Variants in MARCHF1 observed in about 807,000 individuals in gnomAD.
The protein encoded by MARCHF1 is membrane associated ring-CH-type finger 1.
A neutral mutation model predicts 54.2 loss-of-function variants in MARCHF1; 40 were observed. The ratio of observed to expected loss-of-function variants is 0.74; its 90% CI spans 0.57 to 0.96. MARCHF1 has a LOEUF of 0.96. Among genes scored for constraint, MARCHF1 ranks in the 40% least tolerant of loss-of-function variants. The pLI, the probability that MARCHF1 is intolerant of heterozygous loss-of-function variation, is 0.00. For missense variants in MARCHF1, 586 were observed against 656.5 expected (o/e 0.89, Z 1.17); for synonymous variants, 236 against 236.3 (o/e 1.00, Z 0.01).
chr4:163,745,915 C>G (rs899772676), intron 4 of MARCHF1, among the ~76,000 whole-genome samples: 1 of 151,684 alleles, frequency 6.6e-6, no homozygotes, highest in African/African-American at 2.4e-5. Flanking sequence ...ACACAGATTT[C>G]CCATATTCCT....
chr4:163,630,211 T>C (rs909542172), intron 5 of MARCHF1, among the ~76,000 whole-genome samples: 1 of 152,144 alleles, frequency 6.6e-6, no homozygotes, highest in Non-Finnish European at 1.5e-5. Flanking sequence ...GGTAAATTGA[T>C]AAAACAAAAT....
At chr4:164,189,455 T>C in intron 1 of MARCHF1, 1 of 705,248 alleles carries the variant, frequency 1.4e-6, no homozygotes, top group South Asian at 1.6e-5. Flanking sequence ...GATGATGTTG[T>C]TCTTGGTGGC....
chr4:164,015,153 A>G (rs1301002354), intron 2 of MARCHF1, among the ~76,000 whole-genome samples: 1 of 152,186 alleles, frequency 6.6e-6, no homozygotes, highest in Non-Finnish European at 1.5e-5. Context: ...AAATCTATCC[A>G]TTATGGTTAT....
chr4:164,007,644 CTCTGTG>C (rs1158296376), intron 2 of MARCHF1, among the ~76,000 whole-genome samples: 117 of 101,658 alleles, frequency 1.2e-3, no homozygotes, highest in East Asian at 6.0e-3. Context: ...CTCTCTCTCT[CTCTGTG>C]TGTGTGTGTG....
At chr4:164,112,267 A>G (rs1224237597) in intron 1 of MARCHF1, among the ~76,000 whole-genome samples, 1 of 151,878 alleles carries the variant, frequency 6.6e-6, no homozygotes, top group Non-Finnish European at 1.5e-5. Flanking sequence ...CTTTGTATAA[A>G]ACAACACCAA....
chr4:164,323,419 T>A (rs1364872118), intron 1 of MARCHF1, among the ~76,000 whole-genome samples: 1 of 151,528 alleles, frequency 6.6e-6, no homozygotes, highest in Admixed American at 6.6e-5. Context: ...GCATATCTTT[T>A]AAAATAGTCC....
chr4:163,548,731 G>GA (rs1194073339), intron 8 of MARCHF1, among the ~76,000 whole-genome samples: 2 of 152,200 alleles, frequency 1.3e-5, no homozygotes, highest in African/African-American at 4.8e-5. Flanking sequence ...GGCGCTGGCA[G>GA]AAATCAATGT....
intron 1 of MARCHF1, among the ~76,000 whole-genome samples, chr4:164,311,925 T>C (rs146247764): frequency 1.6e-4 from 25 of 152,332 alleles, no homozygotes; most frequent in Non-Finnish European, 2.6e-4. Flanking sequence ...TTCTCTCTCT[T>C]CTCTTAAATT....
intron 3 of MARCHF1, among the ~76,000 whole-genome samples, chr4:163,879,129 C>T (rs1164982570): frequency 6.6e-6 from 1 of 152,144 alleles, no homozygotes; most frequent in Non-Finnish European, 1.5e-5. Context: ...GTGAAAGAGA[C>T]ACTATGAAGA....
chr4:163,792,230 CT>C (rs1417613786), intron 4 of MARCHF1, among the ~76,000 whole-genome samples: 1 of 152,128 alleles, frequency 6.6e-6, no homozygotes, highest in Non-Finnish European at 1.5e-5. Context: ...TTACGTTTGT[CT>C]TCACGTTCTT....
chr4:163,838,235 G>C (rs1484623120), intron 4 of MARCHF1, among the ~76,000 whole-genome samples: 1 of 152,036 alleles, frequency 6.6e-6, no homozygotes, highest in African/African-American at 2.4e-5. Context: ...GATGTAAAAT[G>C]GTTTAGTATT....
At chr4:164,019,607 A>G (rs1753618933) in intron 2 of MARCHF1, among the ~76,000 whole-genome samples, 2 of 152,224 alleles carry the variant, frequency 1.3e-5, no homozygotes, top group African/African-American at 4.8e-5. Context: ...GCATTGGGCA[A>G]TCAATTGTCT....
At chr4:163,670,146 G>A (rs1743681708) in intron 5 of MARCHF1, among the ~76,000 whole-genome samples, 1 of 151,710 alleles carries the variant, frequency 6.6e-6, no homozygotes, top group Non-Finnish European at 1.5e-5. Flanking sequence ...TTTCAGTTAG[G>A]TTAAAAAGAT....
chr4:164,304,002 C>A (rs903960571), intron 1 of MARCHF1, among the ~76,000 whole-genome samples: 1 of 152,214 alleles, frequency 6.6e-6, no homozygotes, highest in African/African-American at 2.4e-5. Context: ...ATACTCTATG[C>A]AATACCTTCC....
At chr4:163,732,418 T>C (rs966401397) in intron 4 of MARCHF1, among the ~76,000 whole-genome samples, 7 of 152,084 alleles carry the variant, frequency 4.6e-5, no homozygotes, top group Non-Finnish European at 1.5e-5. Flanking sequence ...CAGCCAATTA[T>C]ATATGTAATC....
At chr4:164,060,761 A>T (rs1285478380) in intron 2 of MARCHF1, among the ~76,000 whole-genome samples, 2 of 152,198 alleles carry the variant, frequency 1.3e-5, no homozygotes, top group East Asian at 3.8e-4. Flanking sequence ...ACTTTCCAAC[A>T]GTTGCAATTA....
intron 1 of MARCHF1, among the ~76,000 whole-genome samples, chr4:164,350,229 T>G (rs1730240780): frequency 6.6e-6 from 1 of 152,164 alleles, no homozygotes; most frequent in Middle Eastern, 3.2e-3. Context: ...AAAAAGTCTA[T>G]GTTTAAAATC....
intron 1 of MARCHF1, among the ~76,000 whole-genome samples, chr4:164,193,873 G>T (rs1014387075): frequency 3.3e-5 from 5 of 152,100 alleles, no homozygotes; most frequent in Non-Finnish European, 2.9e-5. Flanking sequence ...AGAAGCAACT[G>T]GCTTTTGTTC....
intron 1 of MARCHF1, among the ~76,000 whole-genome samples, chr4:164,324,796 T>C (rs1231261861): frequency 1.3e-5 from 2 of 151,312 alleles, no homozygotes; most frequent in South Asian, 2.1e-4. Context: ...AAACAAATGA[T>C]TGAGGAAGAG....
Sources: allele counts gnomAD v4.1 joint callset (sites outside exome capture counted in the v4.1 genomes callset), GRCh38; gene constraint gnomAD v4.1.1; transcripts MANE v1.5; gene names NCBI Gene and HGNC (gene_info 2026-07-23, HGNC 2026-07-21).